FAHD2A: variants seen among roughly 807,000 people sequenced by gnomAD.
FAHD2A encodes oxaloacetate tautomerase FAHD2A, mitochondrial.
Under a neutral mutation model 33.4 loss-of-function variants are expected in FAHD2A, and 27 were observed. The ratio of observed to expected loss-of-function variants is 0.81; its 90% CI spans 0.60 to 1.11. FAHD2A has a LOEUF of 1.11. Among genes scored for constraint, FAHD2A ranks in the 50% most tolerant of loss-of-function variants. The pLI is 0.00. For synonymous variants in FAHD2A, 130 were observed against 153.3 expected (o/e 0.85, Z 1.12); for missense variants, 296 against 395.0 (o/e 0.75, Z 2.12).
rs764195154 is a variant in FAHD2A, at chr2:95,412,911, A to G, written c.899A>G (p.Gln300Arg). The change falls in exon 8 of 8, where the codon CAG becomes CGG. Residue 300 changes from glutamine (Q) to arginine (R), a missense_variant. Coordinates refer to ENST00000233379, the MANE Select transcript of FAHD2A (RefSeq NM_016044.3). ...PVFLKKGDEV[Q>R]CEIEELGVII... Reference sequence around the variant, plus strand: ...CTGTTGCAGAAGGGGGATGAAGTCCAGTGTGAGATTGAAGAACTAGGTGTC... The same window carrying G: ...CTGTTGCAGAAGGGGGATGAAGTCCGGTGTGAGATTGAAGAACTAGGTGTC... 10 of 1,614,264 alleles carry G rather than the reference A, an allele frequency of 6.2e-6. No individual in the cohort carries two copies. In the South Asian group the frequency reaches 9.9e-5, roughly 16 times the overall value.
At chr2:95,411,741 C>T (rs1401576355) in intron 5 of FAHD2A, among the ~76,000 whole-genome samples, 3 of 152,216 alleles carry the variant, frequency 2.0e-5, no homozygotes, top group Admixed American at 1.3e-4. Context: ...ATCCAGTACA[C>T]GAGGCTTCTC....
At chr2:95,411,173 C>T (rs1682437666) in intron 5 of FAHD2A, 147 bp downstream of exon 5, 2 of 1,343,058 alleles carry the variant, frequency 1.5e-6, no homozygotes, top group Admixed American at 5.3e-5. Flanking sequence ...GTCTCTTATC[C>T]TCAGCCACGA....
downstream of FAHD2A, among the ~76,000 whole-genome samples, chr2:95,419,365 CAGAGAGAG>C (rs139144704): frequency 9.3e-5 from 14 of 151,342 alleles, no homozygotes; most frequent in East Asian, 1.4e-3. Context: ...AATCTAGAGA[CAGAGAGAG>C]AGAGAAGTTG....
chr2:95,403,246 G>A (rs1163367511), intron 1 of FAHD2A, among the ~76,000 whole-genome samples: 3 of 152,136 alleles, frequency 2.0e-5, no homozygotes, highest in Non-Finnish European at 2.9e-5. Flanking sequence ...TTTCTGACTA[G>A]TACCTTGGGC....
chr2:95,411,888 C>T (rs1682576899), intron 5 of FAHD2A, among the ~76,000 whole-genome samples: 1 of 152,212 alleles, frequency 6.6e-6, no homozygotes, highest in Non-Finnish European at 1.5e-5. Context: ...TGAGTTCAAG[C>T]AGTTCTCCCG....
In FAHD2A at chr2:95,413,404, T is replaced by C. The variant is rs2104381995; in HGVS notation, c.*447T>C. ...CCATCTTCTGGCTCTAGGACACAGCTGTGTTCTGGGGCTCAGAAGTCTCAG... is the reference window on the plus strand; with the variant it reads ...CCATCTTCTGGCTCTAGGACACAGCCGTGTTCTGGGGCTCAGAAGTCTCAG... On this transcript the variant is annotated 3_prime_UTR_variant, in exon 8 of 8. Coordinates refer to ENST00000233379, the MANE Select transcript of FAHD2A (RefSeq NM_016044.3). 1.3e-6 allele frequency: 2 copies of C among 1,593,048 alleles called. No homozygotes were observed. Among genetic ancestry groups the C allele is most frequent in the South Asian group, 2.3e-5 (2 of 87,424 alleles).
intron 5 of FAHD2A, among the ~76,000 whole-genome samples, chr2:95,411,346 G>T (rs546338101): frequency 1.3e-5 from 2 of 152,366 alleles, no homozygotes; most frequent in East Asian, 3.9e-4. Flanking sequence ...GCATCATGGA[G>T]CATAGTTATC....
chr2:95,411,097 G>T lies in FAHD2A; in HGVS notation c.685+71G>T, dbSNP rs183839404. The T allele has an allele frequency of 1.2e-3, 1,939 of 1,584,756 alleles. 2 individuals carry two copies. Among genetic ancestry groups the T allele is most frequent in the Non-Finnish European group, 1.6e-3 (1,851 of 1,163,942 alleles). ...GAACAGCGCTTCAGGGAGGAGCATG[G>T]GTTCAGGTACATGTGGCACCTGCCC... On this transcript the variant is annotated intron_variant, in intron 5 of 7. Coordinates refer to ENST00000233379, the MANE Select transcript of FAHD2A (RefSeq NM_016044.3).
Position 95,413,565 on chromosome 2 carries a change from A to G in FAHD2A, c.*608A>G. On this transcript the variant is annotated 3_prime_UTR_variant, in exon 8 of 8. Coordinates refer to ENST00000233379, the MANE Select transcript of FAHD2A (RefSeq NM_016044.3). ...CTGCAGGGCTCGGCGTCTGCTGCAG[A>G]ACCTGGGCCATGGAAGATGGGCCGT... is the stretch of plus-strand genomic sequence containing the variant. 1 of 1,574,160 alleles carries G rather than the reference A, an allele frequency of 6.4e-7. No homozygotes were observed. Among genetic ancestry groups the G allele is most frequent in the Non-Finnish European group, 8.6e-7 (1 of 1,160,364 alleles).
chr2:95,407,419 C>T (rs1161788172), intron 3 of FAHD2A: 5 of 549,338 alleles, frequency 9.1e-6, no homozygotes, highest in Non-Finnish European at 1.6e-5. Flanking sequence ...CATAATCCCA[C>T]TGCCCATGGC....
rs1459167476 is a variant in FAHD2A at position 95,405,794 on chromosome 2, T to G, written c.236T>G (p.Val79Gly). 1.2e-6 allele frequency: 2 copies of G among 1,612,166 alleles called. No homozygotes were observed. The highest frequency in any genetic ancestry group is 2.2e-5 in the East Asian group (1 of 44,808). ...GAGCAGGGAGAGGCCACCCTCTCAG[T>G]GGCAAGAAGGTAAGTAAGTGGGCAG... ...FLEQGEATLS[V>G]ARRALAAQLP... is the part of the protein sequence containing the mutation. The change falls in exon 2 of 8, where the codon GTG becomes GGG. Residue 79 changes from valine (V) to glycine (G), a missense_variant. Coordinates refer to ENST00000233379, the MANE Select transcript of FAHD2A (RefSeq NM_016044.3).
At chr2:95,405,380 T>C in intron 1 of FAHD2A, 173 bp from the exon 2 acceptor site, 1 of 951,012 alleles carries the variant, frequency 1.1e-6, no homozygotes, top group Non-Finnish European at 1.5e-6. Flanking sequence ...TCTAGAAAAG[T>C]TTCACCTTAT....
chr2:95,403,137 C>G (rs1680985545), intron 1 of FAHD2A: 1 of 152,324 alleles, frequency 6.6e-6, no homozygotes, highest in African/African-American at 2.4e-5. Flanking sequence ...GCTACTGTTT[C>G]CACCTCATGT....
Position 95,414,800 on chromosome 2 carries a change from T to G in FAHD2A, c.*1843T>G, listed in dbSNP as rs78833378. The G allele has an allele frequency of 0.3, 46,068 of 152,758 alleles. 7,584 individuals carry two copies. Among genetic ancestry groups the G allele is most frequent in the Admixed American group, 0.35 (5,384 of 15,280 alleles). The allele number at this position is 152,758 out of a possible 1,614,324, so 9.5% of individuals were successfully genotyped here. On this transcript the variant is annotated 3_prime_UTR_variant, in exon 8 of 8. Coordinates refer to ENST00000233379, the MANE Select transcript of FAHD2A (RefSeq NM_016044.3). ...GCCATCTCTCCCTGCCCCACTCCGA[T>G]GGCTCCTCCTGCCTGGTGAAGACTG...
chr2:95,412,455 G>A lies in FAHD2A; in HGVS notation c.707G>A (p.Cys236Tyr). ...SVADPHNLKI[C>Y]CRVNGEVVQS... ...TCAGATCCACACAACTTAAAGATCT[G>A]CTGCCGAGTGAATGGGGAAGTGGTC... The change falls in exon 6 of 8, where the codon TGC (cysteine) becomes TAC (tyrosine). Residue 236 changes from cysteine to tyrosine, a missense_variant. Physicochemically the swap from Cys to Tyr is radical, Grantham distance 194. Coordinates refer to ENST00000233379, the MANE Select transcript of FAHD2A (RefSeq NM_016044.3). 3 of 1,613,930 alleles carry A rather than the reference G, an allele frequency of 1.9e-6. No individual in the cohort carries two copies. Among genetic ancestry groups the A allele is most frequent in the African/African-American group, 1.3e-5 (1 of 75,044 alleles).
chr2:95,412,443 A>C lies in FAHD2A; in HGVS notation c.695A>C (p.Asn232Thr), dbSNP rs1052067773. 2 of 1,613,864 alleles carry C rather than the reference A, an allele frequency of 1.2e-6. No individual in the cohort carries two copies. Among genetic ancestry groups the C allele is most frequent in the South Asian group, 2.2e-5 (2 of 91,066 alleles). The change falls in exon 6 of 8, where the codon AAC becomes ACC. Residue 232 changes from asparagine (N) to threonine (T), a missense_variant. By Grantham distance (65) the Asn-to-Thr change is moderately conservative (BLOSUM62 0). Coordinates refer to ENST00000233379, the MANE Select transcript of FAHD2A (RefSeq NM_016044.3). ...VTKDSVADPH[N>T]LKICCRVNGE... Reference sequence around the variant, plus strand: ...CATCTTTGCATTTCAGATCCACACAACTTAAAGATCTGCTGCCGAGTGAAT... The same window carrying C: ...CATCTTTGCATTTCAGATCCACACACCTTAAAGATCTGCTGCCGAGTGAAT...
chr2:95,406,574 A>G (rs111532410), intron 2 of FAHD2A, among the ~76,000 whole-genome samples: 193 of 151,914 alleles, frequency 1.3e-3, no homozygotes, highest in Middle Eastern at 3.4e-3. Context: ...TAAAAGATGT[A>G]AATAGTATGC....
downstream of FAHD2A, among the ~76,000 whole-genome samples, chr2:95,417,400 A>G (rs1464477351): frequency 6.6e-6 from 1 of 152,048 alleles, no homozygotes; most frequent in Non-Finnish European, 1.5e-5. Context: ...AGCCAGGCAA[A>G]TTCCACCATT....
chr2:95,403,958 C>G (rs1159794173), intron 1 of FAHD2A, among the ~76,000 whole-genome samples: 2 of 152,202 alleles, frequency 1.3e-5, no homozygotes, highest in Admixed American at 6.5e-5. Context: ...ACAGTTGGTG[C>G]TTGTGTAAGA....
Sources: allele counts gnomAD v4.1 joint callset (sites outside exome capture counted in the v4.1 genomes callset), GRCh38; gene constraint gnomAD v4.1.1; transcripts MANE v1.5; gene names NCBI Gene and HGNC (gene_info 2026-07-23, HGNC 2026-07-21).